The following CARMIL1 variants were observed in gnomAD, a reference collection of about 807,000 sequenced individuals.
The protein encoded by CARMIL1 is F-actin-uncapping protein LRRC16A.
A neutral mutation model predicts 177.1 loss-of-function variants in CARMIL1; 90 were observed. The ratio of observed to expected loss-of-function variants is 0.51; its 90% CI spans 0.43 to 0.61. The LOEUF (loss-of-function observed/expected upper bound fraction) is 0.61, where lower values mean the gene tolerates loss of function less well. Among genes scored for constraint, CARMIL1 ranks in the 20% least tolerant of loss-of-function variants. The probability of loss-of-function intolerance (pLI) is 0.00; values close to 1 mark genes in which losing one functional copy is unlikely to be tolerated. For synonymous variants in CARMIL1, 577 were observed against 606.2 expected (o/e 0.95, Z 0.71); for missense variants, 1,380 against 1,667.0 (o/e 0.83, Z 3.00).
chr6:25,450,706 C>A lies in CARMIL1; in HGVS notation c.609C>A (p.Asp203Glu). The change falls in exon 8 of 37, where the codon GAC (aspartate) becomes GAA (glutamate). Residue 203 changes from aspartate (D) to glutamate (E), a missense_variant. Transcript: ENST00000329474. ...ELNLQDFSHL[D>E]HRDLIPIIAA... is the part of the protein sequence containing the mutation. ...ATTTACAAGATTTTAGTCATCTTGA[C>A]CACAGGTAAGCTGCTTCCTTCCTTC... 6.3e-7 allele frequency: 1 copy of A among 1,599,968 alleles called. No individual in the cohort carries two copies. Among genetic ancestry groups the A allele is most frequent in the South Asian group, 1.1e-5 (1 of 89,508 alleles).
In CARMIL1 at chr6:25,522,798, G is replaced by A. The variant is rs548794062; in HGVS notation, c.1968+2461G>A. ...TCACAGCACAGTGCCTAGTATGTAT[G>A]ACTGGATACTTCATTGATTGATTGA... On this transcript the variant is annotated intron_variant, in intron 23 of 36. Coordinates refer to ENST00000329474, the MANE Select transcript of CARMIL1 (RefSeq NM_017640.6). Among the ~76,000 whole-genome samples, 9 of 149,950 alleles carry A rather than the reference G, an allele frequency of 6.0e-5. No homozygotes were observed. In the South Asian group the frequency reaches 1.7e-3, roughly 29 times the overall value.
intron 2 of CARMIL1, among the ~76,000 whole-genome samples, chr6:25,387,418 C>G (rs563299783): frequency 6.6e-6 from 1 of 152,334 alleles, no homozygotes; most frequent in East Asian, 1.9e-4. Context: ...CTGTTGAACA[C>G]TATGCTCACA....
At chr6:25,282,981 C>T (rs919357458) in intron 1 of CARMIL1, among the ~76,000 whole-genome samples, 1 of 151,952 alleles carries the variant, frequency 6.6e-6, no homozygotes, top group African/African-American at 2.4e-5. Flanking sequence ...TGTGAATAGA[C>T]CAAAATGATT....
At chr6:25,583,018 G>T (rs531257566) in intron 31 of CARMIL1, among the ~76,000 whole-genome samples, 3 of 152,266 alleles carry the variant, frequency 2.0e-5, no homozygotes, top group South Asian at 4.1e-4. Context: ...AGCAGGAAGG[G>T]CATTCTCATC....
At chr6:25,582,728 A>C (rs1456908657) in intron 31 of CARMIL1, among the ~76,000 whole-genome samples, 1 of 152,108 alleles carries the variant, frequency 6.6e-6, no homozygotes, top group Admixed American at 6.5e-5. Context: ...AATTTTTTAC[A>C]TCTCTACTAC....
intron 2 of CARMIL1, among the ~76,000 whole-genome samples, chr6:25,391,332 C>A (rs556852476): frequency 6.6e-6 from 1 of 152,232 alleles, no homozygotes; most frequent in South Asian, 2.1e-4. Context: ...GGATGTTGAT[C>A]CCAACCTGGA....
intron 24 of CARMIL1, among the ~76,000 whole-genome samples, chr6:25,536,938 G>T (rs1467137658): frequency 6.6e-6 from 1 of 152,084 alleles, no homozygotes; most frequent in Non-Finnish European, 1.5e-5. Context: ...TTAAGAACAT[G>T]AAATAAATAG....
intron 3 of CARMIL1, among the ~76,000 whole-genome samples, chr6:25,422,949 G>A (rs1253100347): frequency 6.6e-6 from 1 of 152,136 alleles, no homozygotes; most frequent in Non-Finnish European, 1.5e-5. Flanking sequence ...AGGGTAGTTT[G>A]AACATTGGTT....
intron 16 of CARMIL1, among the ~76,000 whole-genome samples, chr6:25,495,533 T>C (rs1470809384): frequency 8.3e-6 from 1 of 120,228 alleles, no homozygotes; most frequent in East Asian, 2.4e-4. Context: ...GCATATTCGT[T>C]TGTTCGTGTG....
chr6:25,534,309 A>G (rs1808072652), intron 24 of CARMIL1, among the ~76,000 whole-genome samples: 1 of 151,940 alleles, frequency 6.6e-6, no homozygotes, highest in African/African-American at 2.4e-5. Context: ...CTTGGACACC[A>G]TGTTCAACCT....
intron 32 of CARMIL1, 125 bp downstream of exon 32, chr6:25,594,652 A>G: frequency 1.6e-6 from 1 of 616,470 alleles, no homozygotes; most frequent in Non-Finnish European, 2.8e-6. Context: ...GACAGCTTGC[A>G]AAATATGGTC....
At chr6:25,386,056 G>C (rs1328045381) in intron 2 of CARMIL1, among the ~76,000 whole-genome samples, 2 of 152,220 alleles carry the variant, frequency 1.3e-5, no homozygotes, top group East Asian at 3.8e-4. Context: ...ATACATCCGA[G>C]TGTATTTGCC....
At chr6:25,617,802 A>G (rs1475814372) in intron 36 of CARMIL1, among the ~76,000 whole-genome samples, 1 of 152,234 alleles carries the variant, frequency 6.6e-6, no homozygotes, top group Non-Finnish European at 1.5e-5. Flanking sequence ...GCTTACTGAC[A>G]GTTGTGAAAG....
At chr6:25,532,592 C>T (rs1807881176) in intron 24 of CARMIL1, among the ~76,000 whole-genome samples, 1 of 152,178 alleles carries the variant, frequency 6.6e-6, no homozygotes, top group African/African-American at 2.4e-5. Context: ...CCCTTGCCAA[C>T]TTGATAGCCA....
intron 23 of CARMIL1, among the ~76,000 whole-genome samples, chr6:25,528,502 C>T (rs543979890): frequency 3.3e-5 from 5 of 152,284 alleles, no homozygotes; most frequent in Non-Finnish European, 5.9e-5. Flanking sequence ...TGAAAACTCA[C>T]GAAGTGGGGT....
intron 20 of CARMIL1, among the ~76,000 whole-genome samples, chr6:25,512,100 A>G (rs1211908429): frequency 6.6e-6 from 1 of 152,178 alleles, no homozygotes; most frequent in Non-Finnish European, 1.5e-5. Flanking sequence ...AGATTAGGGA[A>G]GCTAATATTA....
chr6:25,547,628 G>A (rs1809642053), intron 26 of CARMIL1, among the ~76,000 whole-genome samples: 1 of 152,106 alleles, frequency 6.6e-6, no homozygotes, highest in Admixed American at 6.5e-5. Flanking sequence ...CCAGGCCCTG[G>A]GGATGTAAGA....
intron 2 of CARMIL1, among the ~76,000 whole-genome samples, chr6:25,382,079 T>C (rs1791606383): frequency 1.3e-5 from 2 of 152,298 alleles, no homozygotes; most frequent in Middle Eastern, 3.4e-3. Context: ...AACTCTGTGC[T>C]AGGAACTGGG....
At chr6:25,553,969 C>T (rs1222632644) in intron 27 of CARMIL1, 40 bp from the exon 28 acceptor site, 4 of 1,363,682 alleles carry the variant, frequency 2.9e-6, no homozygotes, top group Admixed American at 1.9e-5. Flanking sequence ...CCCTCTTGCA[C>T]AAATTAAAAT....
Sources: allele counts gnomAD v4.1 joint callset (sites outside exome capture counted in the v4.1 genomes callset), GRCh38; gene constraint gnomAD v4.1.1; transcripts MANE v1.5; gene names NCBI Gene and HGNC (gene_info 2026-07-23, HGNC 2026-07-21).